ZNF433: variants seen among roughly 807,000 people sequenced by gnomAD.
ZNF433 encodes zinc finger protein 433.
A neutral mutation model predicts 10.6 loss-of-function variants in ZNF433; 12 were observed. The observed-to-expected ratio is 1.13, with a 90% CI of 0.72 to 1.83. The LOEUF is 1.83. ZNF433 is among the 40% of genes most tolerant of loss of function. The pLI, the probability that ZNF433 is intolerant of heterozygous loss-of-function variation, is 0.00. For missense variants in ZNF433, 737 were observed against 798.0 expected (o/e 0.92, Z 0.92); for synonymous variants, 272 against 271.3 (o/e 1.00, Z -0.02).
chr19:12,018,450 A>G, intron 1 of ZNF433, 158 bp from the exon 2 acceptor site: 1 of 792,730 alleles, frequency 1.3e-6, no homozygotes, highest in Non-Finnish European at 1.8e-6. Flanking sequence ...AGTTTCTTCC[A>G]TAAAGTAATT....
intron 1 of ZNF433, chr19:12,026,514 C>G (rs1009797728): frequency 3.1e-5 from 11 of 355,276 alleles, no homozygotes; most frequent in African/African-American, 2.2e-4. Flanking sequence ...AACAATTACA[C>G]TTATTGGGCA....
rs749388670 is a variant in ZNF433 at position 12,015,303 on chromosome 19, G to A, written c.1555C>T (p.Arg519Ter). The change falls in exon 4 of 4, where the codon CGA becomes TGA. Residue 519 changes from arginine (R) to a stop codon, truncating the protein, a stop_gained. Coordinates refer to ENST00000550507, the MANE Select transcript of ZNF433 (RefSeq NM_001308348.2). LOFTEE classifies it low-confidence loss of function (END_TRUNC). ...CCAGTGTGAGTCCTTCCATGATATC[G>A]AAAGGAGCTCGAACAGTTGAAGGAT... is the stretch of plus-strand genomic sequence containing the variant. ...GRSFNCSSSF[R>*]YHGRTHTGEK... The A allele has an allele frequency of 6.8e-6, 11 of 1,613,652 alleles. No homozygotes were observed. Among genetic ancestry groups the A allele is most frequent in the Admixed American group, 6.7e-5 (4 of 59,938 alleles).
chr19:12,033,504 G>A (rs1241918139), intron 1 of ZNF433, among the ~76,000 whole-genome samples: 5 of 132,156 alleles, frequency 3.8e-5, no homozygotes, highest in East Asian at 2.4e-4. Flanking sequence ...GGGCGACAGA[G>A]CGAGACTCCG....
chr19:12,018,372 T>A, intron 1 of ZNF433, 80 bp from the exon 2 acceptor site: 1 of 1,486,836 alleles, frequency 6.7e-7, no homozygotes, highest in Non-Finnish European at 9.0e-7. Context: ...CCAAGAGGTT[T>A]CCATGATGCT....
At chr19:12,016,793 G>A in intron 3 of ZNF433, 127 bp from the exon 4 acceptor site, 1 of 1,306,198 alleles carries the variant, frequency 7.7e-7, no homozygotes, top group African/African-American at 1.5e-5. Context: ...GCCCAGGCTG[G>A]AGTGTAGTGG....
Position 12,015,481 on chromosome 19 carries a change from G to T in ZNF433, c.1377C>A (p.Phe459Leu), listed in dbSNP as rs747755244. Reference protein sequence around the residue: ...CKECGKPFSNFSFFQIHERMH... With the variant: ...CKECGKPFSNLSFFQIHERMH... ...TCCTTTCATGTATTTGAAAGAAAGA[G>T]AAATTACTAAATGGTTTTCCACATT... Residue 459 changes from phenylalanine to leucine, a missense_variant, in exon 4 of 4, where the codon TTC (phenylalanine) becomes TTA (leucine). Physicochemically the swap from Phe to Leu is conservative, Grantham distance 22. Coordinates refer to ENST00000550507, the MANE Select transcript of ZNF433 (RefSeq NM_001308348.2). The T allele has an allele frequency of 5.6e-6, 9 of 1,613,752 alleles. No homozygotes were observed. The highest frequency in any genetic ancestry group is 7.6e-6 in the Non-Finnish European group (9 of 1,179,974).
intron 3 of ZNF433, among the ~76,000 whole-genome samples, chr19:12,017,357 G>A (rs529342782): frequency 5.9e-5 from 9 of 151,670 alleles, no homozygotes; most frequent in South Asian, 2.1e-4. Flanking sequence ...TGTCCACCAC[G>A]ATGCCTGGCT....
rs796891710 is a variant in ZNF433, at chr19:12,020,972, GT to G, written c.4-2681del. ...GGGTCTTAAGGACTCCTGCTTTACTGTTTTTTTTTTTTTCTTTTTTTTTGAG... is the reference window on the plus strand; with the variant it reads ...GGGTCTTAAGGACTCCTGCTTTACTGTTTTTTTTTTTTCTTTTTTTTTGAG... On this transcript the variant is annotated intron_variant, in intron 1 of 3. Coordinates refer to ENST00000550507, the MANE Select transcript of ZNF433 (RefSeq NM_001308348.2). Among the ~76,000 whole-genome samples, 360 of 136,740 alleles carry G rather than the reference GT, an allele frequency of 2.6e-3. 4 individuals are homozygous for G. Among genetic ancestry groups the G allele is most frequent in the South Asian group, 0.016 (70 of 4,320 alleles). The allele number at this position is 136,740 out of a possible 152,430, so 89.7% of individuals were successfully genotyped here. A position where few individuals can be genotyped will look rare whatever the true frequency, so the allele number is the denominator to read the frequency against.
At chr19:12,030,370 A>T (rs1390249450) in intron 1 of ZNF433, among the ~76,000 whole-genome samples, 2 of 151,974 alleles carry the variant, frequency 1.3e-5, no homozygotes. Context: ...ACAGGTGCGC[A>T]TCACCAAGCC....
intron 1 of ZNF433, chr19:12,024,059 C>T (rs188428961): frequency 6.4e-4 from 97 of 152,150 alleles, no homozygotes; most frequent in African/African-American, 2.1e-3. Flanking sequence ...GAACAATGGC[C>T]GCTAAGTAAA....
Position 12,035,562 on chromosome 19 carries a change from C to T in ZNF433, c.-23G>A. 6.4e-7 allele frequency: 1 copy of T among 1,567,944 alleles called. No homozygotes were observed. On this transcript the variant is annotated 5_prime_UTR_variant, in exon 1 of 4. Coordinates refer to ENST00000550507, the MANE Select transcript of ZNF433 (RefSeq NM_001308348.2). ...CATTTCTTGCCTTTCAGGTGACTCC[C>T]ACGACCAGTGCGGGTCACAGCACAG...
At chr19:12,019,296 C>T (rs191742642) in intron 1 of ZNF433, among the ~76,000 whole-genome samples, 32 of 152,038 alleles carry the variant, frequency 2.1e-4, no homozygotes, top group African/African-American at 6.5e-4. Context: ...TGGTATGCAC[C>T]TGCAATTCCA....
At chr19:12,033,440 A>T (rs1484087265) in intron 1 of ZNF433, among the ~76,000 whole-genome samples, 1 of 151,656 alleles carries the variant, frequency 6.6e-6, no homozygotes, top group Non-Finnish European at 1.5e-5. Flanking sequence ...AATGGCATGA[A>T]CCCGGGAGGT....
chr19:12,034,711 G>A lies in ZNF433; in HGVS notation c.3+826C>T, dbSNP rs72489419. ...CTTAAGCAATCCTTCCTACCGCCTC[G>A]AAGTTTTAGACAAAGCTTCACACTC... On this transcript the variant is annotated intron_variant, in intron 1 of 3. Transcript: ENST00000550507. The A allele has an allele frequency of 7.2e-4, 306 of 426,398 alleles. 3 individuals are homozygous for A. The East Asian group carries it at 0.018, about 25-fold the overall frequency. The allele number at this position is 426,398 out of a possible 1,614,324, so 26.4% of individuals were successfully genotyped here. A position where few individuals can be genotyped will look rare whatever the true frequency, so the allele number is the denominator to read the frequency against.
chr19:12,023,546 G>GTCC (rs1328714097), intron 1 of ZNF433: 5 of 152,152 alleles, frequency 3.3e-5, no homozygotes, highest in Non-Finnish European at 7.3e-5. Flanking sequence ...ATTGATAAAT[G>GTCC]TCCTACCTGT....
At position 12,018,300 on chromosome 19, in the gene ZNF433, A is replaced by C; in HGVS notation, c.4-8T>G. 2 of 1,613,056 alleles carry C rather than the reference A, an allele frequency of 1.2e-6. No homozygotes were observed. The highest frequency in any genetic ancestry group is 8.5e-7 in the Non-Finnish European group (1 of 1,179,628). On this transcript the variant is annotated splice_region_variant and splice_polypyrimidine_tract_variant and intron_variant, in intron 1 of 3. Coordinates refer to ENST00000550507, the MANE Select transcript of ZNF433 (RefSeq NM_001308348.2). ...CTCAAAGGCCACTGAATCCTGAAACATCTCACATGTATAGAGGAGGATGGA... is the reference window on the plus strand; with the variant it reads ...CTCAAAGGCCACTGAATCCTGAAACCTCTCACATGTATAGAGGAGGATGGA...
chr19:12,021,684 C>T lies in ZNF433; in HGVS notation c.4-3392G>A, dbSNP rs183877671. Among the ~76,000 whole-genome samples the T allele has an allele frequency of 2.2e-3, 329 of 152,266 alleles. 5 individuals are homozygous for T. Among genetic ancestry groups the T allele is most frequent in the Middle Eastern group, 0.01 (3 of 294 alleles). On this transcript the variant is annotated intron_variant, in intron 1 of 3. Coordinates refer to ENST00000550507, the MANE Select transcript of ZNF433 (RefSeq NM_001308348.2). ...TGATATTTTAAACACATTTTCAATACAATCTCTCTTTATAAGAGATAGGGA... is the reference window on the plus strand; with the variant it reads ...TGATATTTTAAACACATTTTCAATATAATCTCTCTTTATAAGAGATAGGGA...
intron 1 of ZNF433, among the ~76,000 whole-genome samples, chr19:12,021,723 C>T (rs1974502725): frequency 6.6e-6 from 1 of 152,130 alleles, no homozygotes; most frequent in African/African-American, 2.4e-5. Flanking sequence ...AGACTGGAGA[C>T]TCTGCTTCAG....
At chr19:12,034,059 T>G (rs959141123) in intron 1 of ZNF433, among the ~76,000 whole-genome samples, 5 of 152,126 alleles carry the variant, frequency 3.3e-5, no homozygotes, top group Admixed American at 6.6e-5. Flanking sequence ...GTAATTAAAC[T>G]TAATGCCTAT....
Sources: allele counts gnomAD v4.1 joint callset (sites outside exome capture counted in the v4.1 genomes callset), GRCh38; gene constraint gnomAD v4.1.1; transcripts MANE v1.5; gene names NCBI Gene and HGNC (gene_info 2026-07-23, HGNC 2026-07-21).